The following DZIP1 variants were observed in gnomAD, a reference collection of about 807,000 sequenced individuals.
DZIP1 encodes DAZ interacting zinc finger protein 1.
A neutral mutation model predicts 107.6 loss-of-function variants in DZIP1; 97 were observed. The ratio of observed to expected loss-of-function variants is 0.90; its 90% CI spans 0.77 to 1.07. The LOEUF (loss-of-function observed/expected upper bound fraction) is 1.07, where lower values mean the gene tolerates loss of function less well. Ranked by LOEUF, DZIP1 falls within the 50% of genes least tolerant of loss-of-function variation. DZIP1 has a pLI of 0.00. For synonymous variants in DZIP1, 390 were observed against 386.4 expected, an observed-to-expected ratio of 1.01 and a Z score of -0.11; for missense variants, 1,035 against 1,063.6, an observed-to-expected ratio of 0.97 and a Z score of 0.37.
chr13:95,605,453 C>A (rs2044744652), intron 14 of DZIP1, among the ~76,000 whole-genome samples: 1 of 152,204 alleles, frequency 6.6e-6, no homozygotes, highest in Non-Finnish European at 1.5e-5. Context: ...ATGTTAATAA[C>A]AATTATCACC....
chr13:95,632,316 C>T (rs890383051), intron 6 of DZIP1, among the ~76,000 whole-genome samples: 1 of 152,164 alleles, frequency 6.6e-6, no homozygotes, highest in Non-Finnish European at 1.5e-5. Context: ...ACTCTCAGCC[C>T]TCTTCCTCCT....
At position 95,642,055 on chromosome 13, in the gene DZIP1, A is replaced by G. The variant is rs771297994; in HGVS notation, c.-26T>C. 11 of 1,528,370 alleles carry G rather than the reference A, an allele frequency of 7.2e-6. No individual in the cohort carries two copies. Among genetic ancestry groups the G allele is most frequent in the Non-Finnish European group, 9.6e-6 (11 of 1,147,358 alleles). 94.7% of individuals were successfully genotyped at this position (1,528,370 alleles called of 1,614,324 possible). On this transcript the variant is annotated 5_prime_UTR_variant, in exon 4 of 23. Coordinates refer to ENST00000376829, the MANE Select transcript of DZIP1 (RefSeq NM_198968.4). ...AGGAGGAGCCGGGCGGTCTTTACCCAGCCTGGGCCGCCTCCCGGGCCGCCG... is the reference window on the plus strand; with the variant it reads ...AGGAGGAGCCGGGCGGTCTTTACCCGGCCTGGGCCGCCTCCCGGGCCGCCG...
intron 10 of DZIP1, among the ~76,000 whole-genome samples, chr13:95,613,357 A>C (rs1255371083): frequency 6.6e-6 from 1 of 152,086 alleles, no homozygotes; most frequent in East Asian, 1.9e-4. Context: ...TAATAAAAAT[A>C]CAAAAATCAG....
Position 95,599,422 on chromosome 13 carries a change from G to T in DZIP1, c.1480C>A (p.Gln494Lys), listed in dbSNP as rs1209057331. The change falls in exon 15 of 23, where the codon CAG becomes AAG. Residue 494 changes from glutamine (Q) to lysine (K), a missense_variant and splice_region_variant. Gln to Lys is a moderately conservative substitution (Grantham distance 53). Transcript: ENST00000376829. The stretch of plus-strand genomic sequence containing the variant: ...TCCAGTATGTGCGACGAGAATGCCT[G>T]TTCTATTAACAAGGAAAAATAAGAA... ...TKSSLPMVHE[Q>K]AFSSHILEPI... is the part of the protein sequence containing the mutation. The T allele has an allele frequency of 3.1e-6, 5 of 1,612,882 alleles. 1 individual carries two copies. Among genetic ancestry groups the T allele is most frequent in the South Asian group, 1.1e-5 (1 of 91,042 alleles).
chr13:95,641,424 G>T lies in DZIP1; in HGVS notation c.468C>A (p.Gly156=). ...TGGTGAGCAGCTTCTTGCTCTGCTC[G>T]CCGTCGCAGTGGCTCAGGCGCAGCC... ...EERLRLSHCD[G]EQSKKLLTKQ... Residue 156 remains glycine, a synonymous_variant, in exon 5 of 23, where the codon GGC becomes GGA. Coordinates refer to ENST00000376829, the MANE Select transcript of DZIP1 (RefSeq NM_198968.4). The surrounding 1 kb of genome is among the most constrained non-coding windows in gnomAD (Gnocchi z 4.3). 1 of 1,614,092 alleles carries T rather than the reference G, an allele frequency of 6.2e-7. No individual in the cohort carries two copies. Among genetic ancestry groups the T allele is most frequent in the Non-Finnish European group, 8.5e-7 (1 of 1,179,988 alleles).
At position 95,578,621 on chromosome 13, in the gene DZIP1, T is replaced by C. The variant is rs1311939737; in HGVS notation, c.*3613A>G. 3 of 152,332 alleles carry C rather than the reference T, an allele frequency of 2.0e-5. No homozygotes were observed. The highest frequency in any genetic ancestry group is 7.2e-5 in the African/African-American group (3 of 41,566). 9.4% of individuals were successfully genotyped at this position (152,332 alleles called of 1,614,324 possible). ...AGAGGATCTTGCTCATTCATGGCCA[T>C]ATCCACATGCCCATGGCCACTCAGT... On this transcript the variant is annotated 3_prime_UTR_variant, in exon 23 of 23. Transcript: ENST00000376829.
At chr13:95,629,904 T>C in intron 7 of DZIP1, 85 bp downstream of exon 7, 1 of 1,388,324 alleles carries the variant, frequency 7.2e-7, no homozygotes, top group Non-Finnish European at 9.6e-7. Context: ...AACTCTTAAG[T>C]GTCCTCTGTT....
chr13:95,617,248 G>A (rs776342359), intron 10 of DZIP1, among the ~76,000 whole-genome samples: 8 of 151,912 alleles, frequency 5.3e-5, no homozygotes, highest in Admixed American at 3.9e-4. Flanking sequence ...TTCCTGAAGC[G>A]GGAGAATGAA....
chr13:95,637,681 CAAG>C (rs1305889590), intron 5 of DZIP1, among the ~76,000 whole-genome samples: 1 of 151,230 alleles, frequency 6.6e-6, no homozygotes, highest in Non-Finnish European at 1.5e-5. Context: ...GAGGACATAG[CAAG>C]AAGGTGGCTG....
intron 21 of DZIP1, among the ~76,000 whole-genome samples, chr13:95,585,192 C>T (rs754035829): frequency 1.3e-5 from 2 of 152,158 alleles, no homozygotes; most frequent in East Asian, 1.9e-4. Context: ...TACACTGTAG[C>T]GGTATGAAAC....
At chr13:95,594,443 A>G (rs905295037) in intron 15 of DZIP1, among the ~76,000 whole-genome samples, 52 of 152,280 alleles carry the variant, frequency 3.4e-4, no homozygotes, top group African/African-American at 1.2e-3. Flanking sequence ...TTCATCTCCA[A>G]GCTCACTCAG....
intron 13 of DZIP1, 34 bp downstream of exon 13, chr13:95,609,423 C>A (rs758566495): frequency 6.3e-6 from 9 of 1,429,454 alleles, no homozygotes; most frequent in Admixed American, 2.7e-5. Context: ...TTTAAAGATA[C>A]CTTTGGAGCC....
intron 9 of DZIP1, among the ~76,000 whole-genome samples, chr13:95,620,777 TG>T (rs1339855151): frequency 1.3e-5 from 2 of 152,220 alleles, no homozygotes; most frequent in African/African-American, 4.8e-5. Context: ...CCATGGGTTC[TG>T]AACTGACAAC....
rs909210352 is a variant in DZIP1, at chr13:95,579,540, G to C, written c.*2694C>G. 2.0e-5 allele frequency: 3 copies of C among 152,196 alleles called. No homozygotes were observed. Among genetic ancestry groups the C allele is most frequent in the African/African-American group, 7.2e-5 (3 of 41,442 alleles). The allele number at this position is 152,196 out of a possible 1,614,324, so 9.4% of individuals were successfully genotyped here. On this transcript the variant is annotated 3_prime_UTR_variant, in exon 23 of 23. Transcript: ENST00000376829. ...GGCCTTTGAACCAAGGCAGTCTAGG[G>C]TAAAATATAGTTTCAAAGTATGAAT...
At chr13:95,597,708 G>A (rs2044497489) in intron 15 of DZIP1, among the ~76,000 whole-genome samples, 2 of 152,268 alleles carry the variant, frequency 1.3e-5, no homozygotes, top group South Asian at 2.1e-4. Flanking sequence ...TAGACCATGC[G>A]CCCAGGGTTT....
chr13:95,601,902 C>T (rs930223064), intron 14 of DZIP1, among the ~76,000 whole-genome samples: 5 of 152,144 alleles, frequency 3.3e-5, no homozygotes, highest in African/African-American at 1.2e-4. Flanking sequence ...CTGGTCTGTC[C>T]ACTCTTTCTC....
chr13:95,633,488 G>A (rs1728644310), intron 5 of DZIP1, among the ~76,000 whole-genome samples, 167 bp from the exon 6 acceptor site: 1 of 151,834 alleles, frequency 6.6e-6, no homozygotes, highest in African/African-American at 2.4e-5. Context: ...TTTGAGACCA[G>A]CCTGGCCAAC....
Position 95,641,292 on chromosome 13 carries a change from C to T in DZIP1, c.597+3G>A, listed in dbSNP as rs979875204. On this transcript the variant is annotated splice_donor_region_variant and intron_variant, in intron 5 of 22. Coordinates refer to ENST00000376829, the MANE Select transcript of DZIP1 (RefSeq NM_198968.4). This position sits in a 1 kb window ranked among gnomAD's most constrained non-coding sequence, Gnocchi z 4.3. ...TGAATCGTGCTCACACACAGCTGCC[C>T]ACCTGGTAATAGTTGGCTTTGGCCT... 6 of 1,572,180 alleles carry T rather than the reference C, an allele frequency of 3.8e-6. No individual in the cohort carries two copies. The highest frequency in any genetic ancestry group is 5.2e-6 in the Non-Finnish European group (6 of 1,153,234).
intron 10 of DZIP1, among the ~76,000 whole-genome samples, chr13:95,619,008 GT>G (rs1282109410): frequency 3.3e-5 from 5 of 152,114 alleles, no homozygotes; most frequent in Non-Finnish European, 7.4e-5. Context: ...ATTAAAGTTT[GT>G]TTTCATTAAA....
Sources: gnomAD v4.1 joint callset for allele counts (sites outside exome capture counted in the v4.1 genomes callset) on GRCh38, gnomAD v4.1.1 for gene constraint, Gnocchi (gnomAD v3.1) non-coding constraint, MANE v1.5 for transcripts, NCBI Gene and HGNC (gene_info 2026-07-23, HGNC 2026-07-21) for gene names.